Variants in C8A observed in about 807,000 individuals in gnomAD.
C8A encodes complement C8 alpha chain.
C8A carries 67 observed loss-of-function variants against 65.3 expected under a neutral mutation model. The ratio of observed to expected loss-of-function variants is 1.03; its 90% CI spans 0.84 to 1.26. The LOEUF is 1.26. Among genes scored for constraint, C8A ranks in the 50% most tolerant of loss-of-function variants. The pLI is 0.00. For synonymous variants in C8A, 290 were observed against 259.4 expected, an observed-to-expected ratio of 1.12 and a Z score of -1.13; for missense variants, 781 against 723.9, an observed-to-expected ratio of 1.08 and a Z score of -0.90.
chr1:56,856,586 C>T (rs184704919), intron 1 of C8A, among the ~76,000 whole-genome samples: 1 of 151,984 alleles, frequency 6.6e-6, no homozygotes, highest in Non-Finnish European at 1.5e-5. Flanking sequence ...ACTCTTTTTC[C>T]CTGCAAAATA....
At chr1:56,884,612 G>A (rs530238591) in intron 6 of C8A, among the ~76,000 whole-genome samples, 25 of 152,222 alleles carry the variant, frequency 1.6e-4, no homozygotes, top group East Asian at 5.8e-4. Flanking sequence ...TATCTGTAGC[G>A]TGTTAATATG....
intron 9 of C8A, among the ~76,000 whole-genome samples, chr1:56,909,021 C>T (rs1644487745): frequency 6.6e-6 from 1 of 152,208 alleles, no homozygotes; most frequent in Non-Finnish European, 1.5e-5. Context: ...GCTAAACATC[C>T]TTCCATGCAC....
intron 9 of C8A, among the ~76,000 whole-genome samples, chr1:56,910,517 C>A (rs751654046): frequency 6.6e-6 from 1 of 152,174 alleles, no homozygotes; most frequent in Non-Finnish European, 1.5e-5. Flanking sequence ...ATGCAGAGCC[C>A]CACTGGAAAG....
At chr1:56,914,456 G>A (rs1644535788) in intron 10 of C8A, among the ~76,000 whole-genome samples, 1 of 152,108 alleles carries the variant, frequency 6.6e-6, no homozygotes, top group Admixed American at 6.5e-5. Context: ...GTAGTTTGAA[G>A]CTTAAAATCT....
chr1:56,865,984 G>A (rs556169479), intron 1 of C8A, among the ~76,000 whole-genome samples: 7 of 152,278 alleles, frequency 4.6e-5, no homozygotes, highest in Admixed American at 3.9e-4. Flanking sequence ...ATTTTAATGT[G>A]ACAGAGAACA....
chr1:56,897,476 A>G (rs1463826454), intron 7 of C8A, among the ~76,000 whole-genome samples: 1 of 152,212 alleles, frequency 6.6e-6, no homozygotes, highest in Non-Finnish European at 1.5e-5. Context: ...GGGCTCAGCC[A>G]GAAAGTGCTA....
rs1482535380 is a variant in C8A, at chr1:56,854,975, A to G, written c.74A>G (p.Asn25Ser). ...QPGVTAQEKV[N>S]QRVRRAATPA... ...GGGGTAACTGCACAGGAGAAGGTGA[A>G]CCAGTAAGTGGGCCATATGTCTCTG... is the stretch of plus-strand genomic sequence containing the variant. Residue 25 changes from asparagine to serine, a missense_variant, in exon 1 of 11, where the codon AAC becomes AGC. By Grantham distance (46) the Asn-to-Ser change is conservative. Coordinates refer to ENST00000361249, the MANE Select transcript of C8A (RefSeq NM_000562.3). 4 of 1,612,912 alleles carry G rather than the reference A, an allele frequency of 2.5e-6. No homozygotes were observed. The highest frequency in any genetic ancestry group is 1.3e-5 in the African/African-American group (1 of 74,894).
At chr1:56,903,045 C>T (rs1000230275) in intron 7 of C8A, among the ~76,000 whole-genome samples, 2 of 152,032 alleles carry the variant, frequency 1.3e-5, no homozygotes, top group Non-Finnish European at 2.9e-5. Flanking sequence ...TTTGTTCTCC[C>T]GCTAAGCTGT....
At chr1:56,903,875 G>GTAC (rs1644444461) in intron 7 of C8A, among the ~76,000 whole-genome samples, 1 of 152,170 alleles carries the variant, frequency 6.6e-6, no homozygotes, top group African/African-American at 2.4e-5. Flanking sequence ...TACTCCAGAT[G>GTAC]ATCTCAATGT....
chr1:56,857,839 A>G (rs1161326854), intron 1 of C8A, among the ~76,000 whole-genome samples: 2 of 152,028 alleles, frequency 1.3e-5, no homozygotes, highest in Admixed American at 6.6e-5. Flanking sequence ...TTTCTGCCCC[A>G]TACACTCTCA....
intron 2 of C8A, among the ~76,000 whole-genome samples, chr1:56,869,273 G>T (rs1352438083): frequency 6.6e-6 from 1 of 152,078 alleles, no homozygotes; most frequent in African/African-American, 2.4e-5. Flanking sequence ...TGTGATACTT[G>T]GTTTTTAATT....
rs926394371 is a variant in C8A at position 56,874,994 on chromosome 1, A to G, written c.217A>G (p.Ile73Val). 4 of 1,613,696 alleles carry G rather than the reference A, an allele frequency of 2.5e-6. No homozygotes were observed. The highest frequency in any genetic ancestry group is 3.4e-6 in the Non-Finnish European group (4 of 1,179,848). ...LLQPNKFGGT[I>V]CSGDIWDQAS... ...GCAGCCAAACAAGTTTGGGGGAACC[A>G]TCTGCAGTGGTGACATCTGGGATCA... The change falls in exon 3 of 11, where the codon ATC becomes GTC. Residue 73 changes from isoleucine (I) to valine (V), a missense_variant. Physicochemically the swap from Ile to Val is conservative, Grantham distance 29. Transcript: ENST00000361249.
chr1:56,879,787 G>A (rs894811809), intron 4 of C8A, among the ~76,000 whole-genome samples: 1 of 152,168 alleles, frequency 6.6e-6, no homozygotes, highest in Non-Finnish European at 1.5e-5. Flanking sequence ...GAGAAAGAAA[G>A]AGAAAAAGGA....
rs1644482277 is a variant in C8A at position 56,908,200 on chromosome 1, G to A, written c.1380+87G>A. On this transcript the variant is annotated intron_variant, in intron 9 of 10. Coordinates refer to ENST00000361249, the MANE Select transcript of C8A (RefSeq NM_000562.3). ...GATCATTTCATATTTCTTATTATGA[G>A]CCCATCAAAGAACAAGATTAAATGT... 8 of 1,406,046 alleles carry A rather than the reference G, an allele frequency of 5.7e-6. No homozygotes were observed. The South Asian group carries it at 8.2e-5, about 14-fold the overall frequency. 87.1% of individuals were successfully genotyped at this position (1,406,046 alleles called of 1,614,324 possible).
intron 9 of C8A, among the ~76,000 whole-genome samples, chr1:56,909,126 T>A (rs1644488422): frequency 6.6e-6 from 1 of 152,230 alleles, no homozygotes; most frequent in Non-Finnish European, 1.5e-5. Context: ...TCACAAAGTG[T>A]GAAAAATTCT....
chr1:56,895,641 A>G (rs1426978733), intron 7 of C8A, among the ~76,000 whole-genome samples: 1 of 152,206 alleles, frequency 6.6e-6, no homozygotes, highest in African/African-American at 2.4e-5. Context: ...AGTGTAGTTA[A>G]GTATTTAAAC....
intron 1 of C8A, among the ~76,000 whole-genome samples, chr1:56,866,199 A>C (rs1377816016): frequency 6.6e-6 from 1 of 152,240 alleles, no homozygotes; most frequent in Admixed American, 6.5e-5. Context: ...ATAGCAACAG[A>C]TTGGATGAAG....
At chr1:56,855,465 T>A (rs1171620207) in intron 1 of C8A, among the ~76,000 whole-genome samples, 3 of 152,148 alleles carry the variant, frequency 2.0e-5, no homozygotes, top group Non-Finnish European at 4.4e-5. Flanking sequence ...TTAGATAATG[T>A]GTTCAAAATC....
intron 7 of C8A, among the ~76,000 whole-genome samples, chr1:56,900,640 A>G (rs1328900720): frequency 1.5e-5 from 1 of 66,160 alleles, no homozygotes; most frequent in Non-Finnish European, 2.7e-5. Flanking sequence ...TTTATAAAAT[A>G]TAGCATATTA....
Sources: allele counts gnomAD v4.1 joint callset (sites outside exome capture counted in the v4.1 genomes callset), GRCh38; gene constraint gnomAD v4.1.1; transcripts MANE v1.5; gene names NCBI Gene and HGNC (gene_info 2026-07-23, HGNC 2026-07-21).